ZFR2: variants seen among roughly 807,000 people sequenced by gnomAD.
ZFR2 encodes the protein zinc finger RNA-binding protein 2.
In ZFR2, 104 loss-of-function variants were observed where a neutral mutation model predicts 105.7. The observed-to-expected ratio is 0.98, with a 90% confidence interval of 0.84 to 1.16. The LOEUF is 1.16. Among genes scored for constraint, ZFR2 ranks in the 50% most tolerant of loss-of-function variants. The pLI is 0.00. For missense variants in ZFR2, 1,425 were observed against 1,355.5 expected, an observed-to-expected ratio of 1.05 and a Z score of -0.80; for synonymous variants, 634 against 597.7, an observed-to-expected ratio of 1.06 and a Z score of -0.89.
intron 1 of ZFR2, among the ~76,000 whole-genome samples, chr19:3,861,141 G>A (rs549592244): frequency 5.7e-4 from 87 of 152,170 alleles, no homozygotes; most frequent in African/African-American, 2.0e-3. Flanking sequence ...GAGCCATGCC[G>A]CCTCTCCACT....
Position 3,833,695 on chromosome 19 carries a change from C to T in ZFR2, c.348G>A (p.Gly116=). 1 of 1,572,948 alleles carries T rather than the reference C, an allele frequency of 6.4e-7. No individual in the cohort carries two copies. Among genetic ancestry groups the T allele is most frequent in the Non-Finnish European group, 8.6e-7 (1 of 1,159,196 alleles). ...GGCCGGAGTCTGCGGCTGTCATGCG[C>T]CCAGACTGGAGGGCAGCAGACTGGA... ...PYFQSAALQS[G]RMTAADSGQP... The change falls in exon 3 of 19, where the codon GGG becomes GGA. Residue 116 remains glycine (G), a synonymous_variant. Coordinates refer to ENST00000262961, the MANE Select transcript of ZFR2 (RefSeq NM_015174.2).
At position 3,822,103 on chromosome 19, in the gene ZFR2, C is replaced by T. The variant is rs1426228417; in HGVS notation, c.1469G>A (p.Arg490Gln). 4 of 1,607,868 alleles carry T rather than the reference C, an allele frequency of 2.5e-6. No homozygotes were observed. Among genetic ancestry groups the T allele is most frequent in the Admixed American group, 1.7e-5 (1 of 59,390 alleles). The change falls in exon 9 of 19, where the codon CGG becomes CAG. Residue 490 changes from arginine (R) to glutamine (Q), a missense_variant. Coordinates refer to ENST00000262961, the MANE Select transcript of ZFR2 (RefSeq NM_015174.2). The part of the protein sequence containing the change: ...LNAKDLHVRG[R>Q]RHRLQYRKKV... ...CACCCGGTACTGCAGCCGGTGCCGC[C>T]GCCCCCTCACGTGCAGGTCCTTCGC...
At position 3,861,500 on chromosome 19, in the gene ZFR2, C is replaced by A. The variant is rs1265300516; in HGVS notation, c.53+7465G>T. 2.6e-5 allele frequency among the ~76,000 whole-genome samples: 4 copies of A among 151,986 alleles called. No individual in the cohort carries two copies. In the East Asian group the frequency reaches 7.7e-4, roughly 29 times the overall value. ...ATTTAGCCTGGTGTGGTGGTGTTTA[C>A]CTGAAATCCCAACTACTTAGGAGGC... On this transcript the variant is annotated intron_variant, in intron 1 of 18. Transcript: ENST00000262961.
At chr19:3,824,561 A>G (rs1249613373) in intron 7 of ZFR2, among the ~76,000 whole-genome samples, 1 of 152,142 alleles carries the variant, frequency 6.6e-6, no homozygotes, top group Admixed American at 6.6e-5. Flanking sequence ...AGGGGAGCAC[A>G]GTGGAGGTGG....
At chr19:3,840,347 C>A (rs1405602651) in intron 1 of ZFR2, among the ~76,000 whole-genome samples, 1 of 151,240 alleles carries the variant, frequency 6.6e-6, no homozygotes, top group Non-Finnish European at 1.5e-5. Context: ...AAGCAATTCT[C>A]CCACCTCAGC....
At chr19:3,832,975 A>G (rs1222541248) in intron 3 of ZFR2, among the ~76,000 whole-genome samples, 2 of 146,416 alleles carry the variant, frequency 1.4e-5, no homozygotes, top group Non-Finnish European at 3.0e-5. Flanking sequence ...CACGGGGTGC[A>G]GTGGCTCACG....
intron 1 of ZFR2, among the ~76,000 whole-genome samples, chr19:3,844,485 G>A (rs940188564): frequency 2.6e-5 from 4 of 151,502 alleles, no homozygotes; most frequent in Non-Finnish European, 4.4e-5. Flanking sequence ...CTCCTGTCTC[G>A]GCCTCCGGAG....
At chr19:3,862,059 C>T (rs2038380044) in intron 1 of ZFR2, among the ~76,000 whole-genome samples, 1 of 152,124 alleles carries the variant, frequency 6.6e-6, no homozygotes, top group Non-Finnish European at 1.5e-5. Flanking sequence ...CCCCCAGAAC[C>T]CCAGGAAAGA....
At chr19:3,828,865 C>T (rs118131859) in intron 5 of ZFR2, among the ~76,000 whole-genome samples, 2 of 152,204 alleles carry the variant, frequency 1.3e-5, no homozygotes, top group East Asian at 1.9e-4. Context: ...GCTTGGCACA[C>T]AAGAACTCAG....
chr19:3,810,570 T>A (rs923495479), intron 16 of ZFR2, among the ~76,000 whole-genome samples, 180 bp downstream of exon 16: 1 of 152,222 alleles, frequency 6.6e-6, no homozygotes, highest in Non-Finnish European at 1.5e-5. Context: ...CAAATGAGGC[T>A]GTGGAGAGGG....
At chr19:3,810,617 G>A (rs1180501158) in intron 16 of ZFR2, 133 bp downstream of exon 16, 8 of 773,584 alleles carry the variant, frequency 1.0e-5, no homozygotes, top group Non-Finnish European at 1.4e-5. Flanking sequence ...GGACTCCCAC[G>A]GCCTCTCCTG....
intron 1 of ZFR2, chr19:3,852,673 G>A (rs899904134): frequency 7.8e-5 from 53 of 678,780 alleles, no homozygotes; most frequent in African/African-American, 6.6e-4. Context: ...GATGAAGGAT[G>A]AAGGCATTTT....
intron 5 of ZFR2, among the ~76,000 whole-genome samples, chr19:3,830,542 A>T (rs889704657): frequency 3.9e-5 from 6 of 152,058 alleles, no homozygotes; most frequent in African/African-American, 1.4e-4. Context: ...TGAGACAGGG[A>T]AAGGGTGATC....
At chr19:3,861,881 G>A (rs1052174194) in intron 1 of ZFR2, among the ~76,000 whole-genome samples, 1 of 151,336 alleles carries the variant, frequency 6.6e-6, no homozygotes, top group African/African-American at 2.4e-5. Flanking sequence ...AGCCGAGATC[G>A]CGCCATTGCA....
chr19:3,865,872 C>CCTGT (rs1348692033), intron 1 of ZFR2, among the ~76,000 whole-genome samples: 2 of 151,328 alleles, frequency 1.3e-5, no homozygotes, highest in African/African-American at 2.4e-5. Flanking sequence ...ACAGTCTCAC[C>CCTGT]CTGTCGCCCA....
chr19:3,841,772 T>G (rs2038135279), intron 1 of ZFR2, among the ~76,000 whole-genome samples: 2 of 151,890 alleles, frequency 1.3e-5, no homozygotes, highest in South Asian at 4.2e-4. Context: ...ACCAGCGTAC[T>G]CCAGCCTGGG....
In ZFR2 at chr19:3,836,809, A is replaced by G. The variant is rs74910964; in HGVS notation, c.54-1826T>C. Among the ~76,000 whole-genome samples, 193 of 152,278 alleles carry G rather than the reference A, an allele frequency of 1.3e-3. 4 individuals are homozygous for G. The East Asian group carries it at 0.017, about 14-fold the overall frequency. On this transcript the variant is annotated intron_variant, in intron 1 of 18. Transcript: ENST00000262961. ...TCAGACCCAGATCTTTCTGACCCCAATGCCCCTTGTTCAGCTAAATATCAG... is the reference window on the plus strand; with the variant it reads ...TCAGACCCAGATCTTTCTGACCCCAGTGCCCCTTGTTCAGCTAAATATCAG...
intron 16 of ZFR2, 44 bp from the exon 17 acceptor site, chr19:3,809,027 C>A: frequency 6.9e-7 from 1 of 1,449,136 alleles, no homozygotes; most frequent in Non-Finnish European, 9.2e-7. Context: ...GGGCGCGCGG[C>A]AGCCCCTGCC....
chr19:3,827,602 G>T lies in ZFR2; in HGVS notation c.904C>A (p.Gln302Lys). 2 of 1,579,798 alleles carry T rather than the reference G, an allele frequency of 1.3e-6. No individual in the cohort carries two copies. Among genetic ancestry groups the T allele is most frequent in the East Asian group, 2.3e-5 (1 of 42,802 alleles). The change falls in exon 6 of 19, where the codon CAG becomes AAG. Residue 302 changes from glutamine (Q) to lysine (K), a missense_variant. By Grantham distance (53) the Gln-to-Lys change is moderately conservative. Coordinates refer to ENST00000262961, the MANE Select transcript of ZFR2 (RefSeq NM_015174.2). ...GQKHRKKEAAQKTGVQPNGSP... is the reference protein window; with the variant it reads ...GQKHRKKEAAKKTGVQPNGSP... ...CCGTTGGGCTGCACGCCTGTCTTCT[G>T]GGCCGCCTCCTTCTTTCTGTGCTTC...
Sources: gnomAD v4.1 joint callset for allele counts (sites outside exome capture counted in the v4.1 genomes callset) on GRCh38, gnomAD v4.1.1 for gene constraint, MANE v1.5 for transcripts, NCBI Gene and HGNC (gene_info 2026-07-23, HGNC 2026-07-21) for gene names.